The following ACOT11 variants were observed in gnomAD, a reference collection of about 807,000 sequenced individuals.
The protein encoded by ACOT11 is acyl-CoA thioesterase 11.
ACOT11 carries 69 observed loss-of-function variants against 77.5 expected under a neutral mutation model. That is an observed-to-expected ratio of 0.89 (90% CI 0.73 to 1.09). The LOEUF (loss-of-function observed/expected upper bound fraction) is 1.09. Ranked by LOEUF, ACOT11 falls within the 50% of genes least tolerant of loss-of-function variation. The pLI, the probability that ACOT11 is intolerant of heterozygous loss-of-function variation, is 0.00. For missense variants in ACOT11, 766 were observed against 813.7 expected, an observed-to-expected ratio of 0.94 and a Z score of 0.71; for synonymous variants, 279 against 313.0, an observed-to-expected ratio of 0.89 and a Z score of 1.15.
At chr1:54,602,052 G>C (rs1020178604) in intron 9 of ACOT11, among the ~76,000 whole-genome samples, 2 of 152,262 alleles carry the variant, frequency 1.3e-5, no homozygotes, top group African/African-American at 4.8e-5. Context: ...GGGCTGTGGA[G>C]TTGGGTGGAG....
At chr1:54,634,058 A>G (rs1482266370) in intron 16 of ACOT11, among the ~76,000 whole-genome samples, 3 of 152,172 alleles carry the variant, frequency 2.0e-5, no homozygotes, top group Non-Finnish European at 4.4e-5. Flanking sequence ...CGCTACTATG[A>G]TAGGGATTGG....
downstream of ACOT11, among the ~76,000 whole-genome samples, chr1:54,613,333 C>T (rs1644138448): frequency 1.3e-5 from 2 of 151,818 alleles, no homozygotes; most frequent in South Asian, 2.1e-4. Context: ...GAGCTGAGAT[C>T]GTGCCATTGC....
chr1:54,597,106 C>T (rs191153608), intron 6 of ACOT11, among the ~76,000 whole-genome samples, 153 bp from the exon 7 acceptor site: 2 of 152,282 alleles, frequency 1.3e-5, no homozygotes, highest in East Asian at 1.9e-4. Flanking sequence ...TCATCCAGGG[C>T]CACCCTCTGC....
intron 1 of ACOT11, among the ~76,000 whole-genome samples, chr1:54,583,939 A>G (rs17110755): frequency 0.2 from 29,673 of 151,950 alleles, 4,282 homozygotes; most frequent in African/African-American, 0.4. Flanking sequence ...ACTGATGGGC[A>G]CACCCCACCT....
chr1:54,633,632 G>T (rs1020550667), intron 16 of ACOT11, among the ~76,000 whole-genome samples: 1 of 152,212 alleles, frequency 6.6e-6, no homozygotes, highest in East Asian at 1.9e-4. Flanking sequence ...CCAGACATAT[G>T]TGGGGCAAGC....
chr1:54,560,866 C>T (rs943454400), intron 1 of ACOT11, among the ~76,000 whole-genome samples: 4 of 152,094 alleles, frequency 2.6e-5, no homozygotes, highest in South Asian at 2.1e-4. Flanking sequence ...GGATTACAGG[C>T]GCCTGCCACC....
intron 1 of ACOT11, chr1:54,573,000 A>C (rs1043050553): frequency 3.9e-5 from 38 of 985,322 alleles, no homozygotes; most frequent in Non-Finnish European, 4.6e-5. Context: ...CCAGTGGGAC[A>C]GTGTTCTGGA....
At position 54,584,132 on chromosome 1, in the gene ACOT11, C is replaced by G. The variant is rs1569709890; in HGVS notation, c.34-523C>G. On this transcript the variant is annotated intron_variant, in intron 1 of 15. Coordinates refer to ENST00000343744, the MANE Select transcript of ACOT11 (RefSeq NM_147161.4). The surrounding 1 kb of genome is among the most constrained non-coding windows in gnomAD (Gnocchi z 6.3). ...AATAGATCCAAGTGCTAGACATTAG[C>G]GGGCCACAGAGGCTGTCCTGATGGC... Among the ~76,000 whole-genome samples, 1 of 152,248 alleles carries G rather than the reference C, an allele frequency of 6.6e-6. No individual in the cohort carries two copies. The highest frequency in any genetic ancestry group is 1.9e-4 in the East Asian group (1 of 5,180).
At position 54,607,561 on chromosome 1, in the gene ACOT11, ACCT is replaced by A. The variant is rs1237898631; in HGVS notation, c.1502+300_1502+302del. 2.0e-5 allele frequency among the ~76,000 whole-genome samples: 3 copies of A among 151,878 alleles called. No individual in the cohort carries two copies. Among genetic ancestry groups the A allele is most frequent in the African/African-American group, 4.8e-5 (2 of 41,320 alleles). On this transcript the variant is annotated intron_variant, in intron 14 of 15. Transcript: ENST00000343744. The surrounding 1 kb of genome is among the most constrained non-coding windows in gnomAD (Gnocchi z 4.5). ...TGGGCAGGATATTTCTCACGTGGCC[ACCT>A]CCTTGGCCTCCTCCCTCTGACAGCC...
At chr1:54,615,530 G>A (rs1159395309) in intron 15 of ACOT11, among the ~76,000 whole-genome samples, 1 of 152,116 alleles carries the variant, frequency 6.6e-6, no homozygotes, top group East Asian at 1.9e-4. Context: ...TGAGGAGGGA[G>A]GTCCTGGAGA....
chr1:54,609,899 G>C lies in ACOT11; in HGVS notation c.*787G>C, dbSNP rs1644095673. Reference sequence around the variant, plus strand: ...AATGGGCACGGGGTTTTCAGCCACAGTTCCCTCGAGGCCAGTGTTCAGCAG... The same window carrying C: ...AATGGGCACGGGGTTTTCAGCCACACTTCCCTCGAGGCCAGTGTTCAGCAG... On this transcript the variant is annotated 3_prime_UTR_variant, in exon 16 of 16. Transcript: ENST00000343744. 4.3e-6 allele frequency: 7 copies of C among 1,611,160 alleles called. No individual in the cohort carries two copies. Among genetic ancestry groups the C allele is most frequent in the Admixed American group, 1.7e-5 (1 of 60,028 alleles).
rs1644077484 is a variant in ACOT11 at position 54,609,162 on chromosome 1, AG to A, written c.*52del. 6.2e-7 allele frequency: 1 copy of A among 1,612,276 alleles called. No homozygotes were observed. ...CCACTCCCACTCCATCCTGTCCCCA[AG>A]GACTCACATACAGTGCCTGGAGAAA... On this transcript the variant is annotated 3_prime_UTR_variant, in exon 16 of 16. Coordinates refer to ENST00000343744, the MANE Select transcript of ACOT11 (RefSeq NM_147161.4).
At chr1:54,625,951 AAAG>A (rs1569812273) in intron 15 of ACOT11, among the ~76,000 whole-genome samples, 1 of 148,414 alleles carries the variant, frequency 6.7e-6, no homozygotes, top group Admixed American at 6.8e-5. Flanking sequence ...AAAAAAAAAA[AAAG>A]AAAGAAAGAA....
chr1:54,606,244 T>A (rs1021021328), intron 13 of ACOT11, among the ~76,000 whole-genome samples: 1 of 149,038 alleles, frequency 6.7e-6, no homozygotes, highest in African/African-American at 2.5e-5. Context: ...CGGTTGTGCA[T>A]GTGGTAGGTG....
intron 2 of ACOT11, among the ~76,000 whole-genome samples, chr1:54,585,387 A>C (rs1654462298): frequency 6.6e-6 from 1 of 152,154 alleles, no homozygotes; most frequent in Non-Finnish European, 1.5e-5. Context: ...TGAGGGGCTA[A>C]GGCACCTGAG....
In ACOT11 at chr1:54,609,527, A is replaced by G. The variant is rs578112279; in HGVS notation, c.*415A>G. ...CACAGGTTGCCAGAGCCCCTGGCAC[A>G]ACTCTAGCATATCTGTGAGCAGCTG... On this transcript the variant is annotated 3_prime_UTR_variant, in exon 16 of 16. Coordinates refer to ENST00000343744, the MANE Select transcript of ACOT11 (RefSeq NM_147161.4). 8.1e-6 allele frequency: 13 copies of G among 1,613,066 alleles called. No individual in the cohort carries two copies. In the East Asian group the frequency reaches 2.9e-4, roughly 36 times the overall value.
intron 1 of ACOT11, among the ~76,000 whole-genome samples, chr1:54,559,360 G>A (rs1653386507): frequency 6.6e-6 from 1 of 152,186 alleles, no homozygotes; most frequent in Non-Finnish European, 1.5e-5. Flanking sequence ...CTGTGCCTGG[G>A]CTGGAGCAGG....
At chr1:54,619,234 T>A (rs566488273) in intron 15 of ACOT11, among the ~76,000 whole-genome samples, 4 of 152,324 alleles carry the variant, frequency 2.6e-5, no homozygotes, top group African/African-American at 9.6e-5. Context: ...TAAAGTTCAC[T>A]AGCATGTTCG....
At position 54,601,621 on chromosome 1, in the gene ACOT11, C is replaced by T. The variant is rs552251149; in HGVS notation, c.1029+208C>T. ...CGGGCTTGTTCTGCCTGACAGAACTCGGAGTATGTGTGGGTCTGGCTCGGA... is the reference window on the plus strand; with the variant it reads ...CGGGCTTGTTCTGCCTGACAGAACTTGGAGTATGTGTGGGTCTGGCTCGGA... On this transcript the variant is annotated intron_variant, in intron 9 of 15. Transcript: ENST00000343744. Among the ~76,000 whole-genome samples, 17 of 152,228 alleles carry T rather than the reference C, an allele frequency of 1.1e-4. 1 individual carries two copies. In the East Asian group the frequency reaches 1.2e-3, roughly 10 times the overall value.
Sources: allele counts gnomAD v4.1 joint callset (sites outside exome capture counted in the v4.1 genomes callset), GRCh38; gene constraint gnomAD v4.1.1; non-coding constraint Gnocchi (gnomAD v3.1); transcripts MANE v1.5; gene names NCBI Gene and HGNC (gene_info 2026-07-23, HGNC 2026-07-21).